KDM1B: variants seen among roughly 807,000 people sequenced by gnomAD.
KDM1B encodes lysine demethylase 1B, also known as lysine-specific histone demethylase 2.
KDM1B carries 63 observed loss-of-function variants against 107.4 expected under a neutral mutation model. The observed-to-expected ratio is 0.59, with a 90% CI of 0.48 to 0.72. The LOEUF is 0.72. Ranked by LOEUF, KDM1B falls within the 30% of genes least tolerant of loss-of-function variation. KDM1B has a pLI of 0.00. For missense variants in KDM1B, 749 were observed against 1,020.8 expected, an observed-to-expected ratio of 0.73 and a Z score of 3.63; for synonymous variants, 363 against 363.9, an observed-to-expected ratio of 1.00 and a Z score of 0.03.
rs1210452862 is a variant in KDM1B, at chr6:18,159,880, C to T, written c.-13-3C>T. ...ATTTAATGGTCTGATTTTTCTTTTGCAGATTATTTAATGTAATGGCAACTC... is the reference window on the plus strand; with the variant it reads ...ATTTAATGGTCTGATTTTTCTTTTGTAGATTATTTAATGTAATGGCAACTC... On this transcript the variant is annotated splice_polypyrimidine_tract_variant and splice_region_variant and intron_variant, in intron 2 of 21. Transcript: ENST00000650836. The surrounding 1 kb of genome is among the most constrained non-coding windows in gnomAD (Gnocchi z 4.5). 4 of 1,514,260 alleles carry T rather than the reference C, an allele frequency of 2.6e-6. No homozygotes were observed. In the South Asian group the frequency reaches 3.5e-5, roughly 13 times the overall value. 93.8% of individuals were successfully genotyped at this position (1,514,260 alleles called of 1,614,324 possible).
chr6:18,196,934 C>G (rs1787687355), intron 10 of KDM1B, 123 bp from the exon 11 acceptor site: 1 of 928,980 alleles, frequency 1.1e-6, no homozygotes, highest in Non-Finnish European at 1.6e-6. Context: ...ATTTGAGCAT[C>G]TGCCTTTGAG....
At chr6:18,179,515 C>T (rs1786284983) in intron 7 of KDM1B, among the ~76,000 whole-genome samples, 1 of 152,008 alleles carries the variant, frequency 6.6e-6, no homozygotes, top group Non-Finnish European at 1.5e-5. Flanking sequence ...CAGTAGTTTT[C>T]TTTGTAAAAA....
At chr6:18,169,234 A>T (rs6899985) in intron 6 of KDM1B, among the ~76,000 whole-genome samples, 63,702 of 140,240 alleles carry the variant, frequency 0.45, 14,366 homozygotes, top group East Asian at 0.62. Context: ...ATATATATAA[A>T]TTTTTTTTTT....
At chr6:18,189,737 G>C (rs762389738) in intron 9 of KDM1B, among the ~76,000 whole-genome samples, 3 of 152,146 alleles carry the variant, frequency 2.0e-5, no homozygotes, top group Non-Finnish European at 4.4e-5. Context: ...AATAGACACA[G>C]AAATAAGGAT....
At chr6:18,173,889 G>A (rs967059710) in intron 7 of KDM1B, among the ~76,000 whole-genome samples, 5 of 151,960 alleles carry the variant, frequency 3.3e-5, no homozygotes, top group African/African-American at 7.3e-5. Context: ...GGGTTCAAGC[G>A]ATTCTCCTGC....
In KDM1B at chr6:18,159,156, C is replaced by T. The variant is rs1470958146; in HGVS notation, c.-13-727C>T. Among the ~76,000 whole-genome samples, 10 of 152,038 alleles carry T rather than the reference C, an allele frequency of 6.6e-5. No homozygotes were observed. Among genetic ancestry groups the T allele is most frequent in the Admixed American group, 3.3e-4 (5 of 15,230 alleles). ...CTAATTTTTGTATTTTTAGTACAGACGGGGTTTCACAATGTTGGTCAGACT... is the reference window on the plus strand; with the variant it reads ...CTAATTTTTGTATTTTTAGTACAGATGGGGTTTCACAATGTTGGTCAGACT... On this transcript the variant is annotated intron_variant, in intron 2 of 21. Coordinates refer to ENST00000650836, the MANE Select transcript of KDM1B (RefSeq NM_001364614.2). This position sits in a 1 kb window ranked among gnomAD's most constrained non-coding sequence, Gnocchi z 4.5.
chr6:18,207,670 G>A (rs1407949615), intron 16 of KDM1B, 141 bp downstream of exon 16: 2 of 949,396 alleles, frequency 2.1e-6, no homozygotes, highest in African/African-American at 1.6e-5. Context: ...CTCATTCGTA[G>A]CCTGTGTAGC....
chr6:18,217,762 C>A lies in KDM1B; in HGVS notation c.2262C>A (p.Val754=), dbSNP rs753200307. The part of the protein sequence containing the change: ...QEVPDPTKYF[V]TRWSTDPWIQ... Reference sequence around the variant, plus strand: ...TCCCAGATCCCACAAAGTATTTTGTCACTCGGTGGAGCACAGACCCATGGA... The same window carrying A: ...TCCCAGATCCCACAAAGTATTTTGTAACTCGGTGGAGCACAGACCCATGGA... Residue 754 remains valine (V), a synonymous_variant, in exon 21 of 22, where the codon GTC becomes GTA. Transcript: ENST00000650836. 1.9e-6 allele frequency: 3 copies of A among 1,612,950 alleles called. No homozygotes were observed. The Admixed American group carries it at 5.0e-5, about 27-fold the overall frequency.
chr6:18,161,220 T>A, intron 3 of KDM1B, 107 bp from the exon 4 acceptor site: 1 of 981,994 alleles, frequency 1.0e-6, no homozygotes, highest in Non-Finnish European at 1.6e-6. Flanking sequence ...CCATGATGTT[T>A]TTGACCTTCA....
chr6:18,187,797 A>G lies in KDM1B; in HGVS notation c.579A>G (p.Val193=), dbSNP rs1234651858. The G allele has an allele frequency of 2.6e-6, 4 of 1,547,776 alleles. No homozygotes were observed. The highest frequency in any genetic ancestry group is 3.5e-6 in the Non-Finnish European group (4 of 1,144,684). ...TCCTGTCTGGCCCATTGCAGAGAGT[A>G]TTGGAAGTTTCCAACCATTGGTGGT... is the stretch of plus-strand genomic sequence containing the variant. ...DHCSLPEDLR[V]LEVSNHWWYS... Residue 193 remains valine, a synonymous_variant, in exon 9 of 22, where the codon GTA becomes GTG. Transcript: ENST00000650836.
At chr6:18,182,799 G>A (rs1786566658) in intron 7 of KDM1B, among the ~76,000 whole-genome samples, 1 of 152,096 alleles carries the variant, frequency 6.6e-6, no homozygotes, top group South Asian at 2.1e-4. Flanking sequence ...CCAAAGTGCT[G>A]GGATCACAGG....
intron 6 of KDM1B, among the ~76,000 whole-genome samples, chr6:18,168,861 G>T (rs189545791): frequency 5.9e-5 from 9 of 152,062 alleles, no homozygotes; most frequent in African/African-American, 1.9e-4. Context: ...AACATCCTTT[G>T]CCCATTTTTG....
In KDM1B at chr6:18,188,005, G is replaced by A. The variant is rs995572189; in HGVS notation, c.784+3G>A. ...CAAGGCTGCCCTCTCCGTGCACGGTGAGAGCCATTCCTGGGACTCCCTGCT... is the reference window on the plus strand; with the variant it reads ...CAAGGCTGCCCTCTCCGTGCACGGTAAGAGCCATTCCTGGGACTCCCTGCT... On this transcript the variant is annotated splice_donor_region_variant and intron_variant, in intron 9 of 21. Transcript: ENST00000650836. The A allele has an allele frequency of 6.5e-7, 1 of 1,549,910 alleles. No individual in the cohort carries two copies. The highest frequency in any genetic ancestry group is 1.4e-5 in the African/African-American group (1 of 73,028).
Position 18,204,400 on chromosome 6 carries a change from G to A in KDM1B, c.1532-1137G>A, listed in dbSNP as rs1373654687. Among the ~76,000 whole-genome samples the A allele has an allele frequency of 6.6e-6, 1 of 152,072 alleles. No individual in the cohort carries two copies. The highest frequency in any genetic ancestry group is 1.5e-5 in the Non-Finnish European group (1 of 67,996). On this transcript the variant is annotated intron_variant, in intron 14 of 21. Transcript: ENST00000650836. The surrounding 1 kb of genome is among the most constrained non-coding windows in gnomAD (Gnocchi z 4.9). Reference sequence around the variant, plus strand: ...TTGGGAGGCCGATTGCTGGAGCCCCGGAAGTTGAGGCTGCAGTGAGTCGGA... The same window carrying A: ...TTGGGAGGCCGATTGCTGGAGCCCCAGAAGTTGAGGCTGCAGTGAGTCGGA...
Position 18,162,793 on chromosome 6 carries a change from GT to G in KDM1B, c.216-39del. On this transcript the variant is annotated intron_variant, in intron 4 of 21. Transcript: ENST00000650836. This position sits in a 1 kb window ranked among gnomAD's most constrained non-coding sequence, Gnocchi z 4.1. ...TTTTTTAAAAAATGGGAGGAGAAAT[GT>G]TTATTCATTACCAAAGCTATATGTT... The G allele has an allele frequency of 8.8e-7, 1 of 1,132,340 alleles. No individual in the cohort carries two copies. Among genetic ancestry groups the G allele is most frequent in the Non-Finnish European group, 1.3e-6 (1 of 743,240 alleles). The allele number at this position is 1,132,340 out of a possible 1,614,324, so 70.1% of individuals were successfully genotyped here.
In KDM1B at chr6:18,159,483, T is replaced by TA. The variant is rs754583672; in HGVS notation, c.-13-399dup. Among the ~76,000 whole-genome samples, 6 of 152,254 alleles carry TA rather than the reference T, an allele frequency of 3.9e-5. No homozygotes were observed. In the East Asian group the frequency reaches 1.2e-3, roughly 29 times the overall value. On this transcript the variant is annotated intron_variant, in intron 2 of 21. Coordinates refer to ENST00000650836, the MANE Select transcript of KDM1B (RefSeq NM_001364614.2). The surrounding 1 kb of genome is among the most constrained non-coding windows in gnomAD (Gnocchi z 4.5). ...TAATAGGTAATGTTTATTGAGTACT[T>TA]ACGATATGCCAGTTTTGGTGCTTTA...
intron 21 of KDM1B, among the ~76,000 whole-genome samples, 192 bp from the exon 22 acceptor site, chr6:18,221,717 A>AG (rs1184624789): frequency 2.6e-5 from 4 of 152,234 alleles, no homozygotes; most frequent in Non-Finnish European, 5.9e-5. Flanking sequence ...GATAGCATAC[A>AG]ATGAGTGAAT....
intron 12 of KDM1B, among the ~76,000 whole-genome samples, chr6:18,198,238 T>C (rs532385637): frequency 2.0e-5 from 3 of 151,712 alleles, no homozygotes; most frequent in South Asian, 2.1e-4. Context: ...ACAATAGACA[T>C]GATGAGAAAA....
Position 18,213,436 on chromosome 6 carries a change from CAA to C in KDM1B, c.1984-207_1984-206del, listed in dbSNP as rs377185197. ...GGGCAACAAGAGCGAAACTCCGTCTCAAAAAAAAAAAAAACCCAAAAAACAAA... is the reference window on the plus strand; with the variant it reads ...GGGCAACAAGAGCGAAACTCCGTCTCAAAAAAAAAAAACCCAAAAAACAAA... On this transcript the variant is annotated intron_variant, in intron 18 of 21. Coordinates refer to ENST00000650836, the MANE Select transcript of KDM1B (RefSeq NM_001364614.2). This position sits in a 1 kb window ranked among gnomAD's most constrained non-coding sequence, Gnocchi z 5.9. Among the ~76,000 whole-genome samples, 13 of 98,710 alleles carry C rather than the reference CAA, an allele frequency of 1.3e-4. No homozygotes were observed. Among genetic ancestry groups the C allele is most frequent in the Non-Finnish European group, 1.5e-4 (7 of 46,710 alleles). 64.8% of individuals were successfully genotyped at this position (98,710 alleles called of 152,430 possible).
Sources: gnomAD v4.1 joint callset for allele counts (sites outside exome capture counted in the v4.1 genomes callset) on GRCh38, gnomAD v4.1.1 for gene constraint, Gnocchi (gnomAD v3.1) non-coding constraint, MANE v1.5 for transcripts, NCBI Gene and HGNC (gene_info 2026-07-23, HGNC 2026-07-21) for gene names.